The following DYNLT5 variants were observed in gnomAD, a reference collection of about 807,000 sequenced individuals.
The protein encoded by DYNLT5 is dynein light chain Tctex-type family member 5, also known as dynein light chain Tctex-type 5.
A neutral mutation model predicts 19.3 loss-of-function variants in DYNLT5; 25 were observed. The observed-to-expected ratio is 1.30, with a 90% confidence interval of 0.95 to 1.81. DYNLT5 has a LOEUF of 1.81. Among genes scored for constraint, DYNLT5 ranks in the 40% most tolerant of loss-of-function variants. DYNLT5 has a pLI of 0.00. For missense variants in DYNLT5, 232 were observed against 217.9 expected (o/e 1.06, Z -0.41); for synonymous variants, 82 against 68.9 (o/e 1.19, Z -0.94).
Position 66,754,667 on chromosome 1 carries a change from G to A in DYNLT5, c.9G>A (p.Met3Ile), listed in dbSNP as rs1178385030. The A allele has an allele frequency of 3.7e-6, 6 of 1,608,660 alleles. No individual in the cohort carries two copies. Among genetic ancestry groups the A allele is most frequent in the Non-Finnish European group, 5.1e-6 (6 of 1,178,264 alleles). Reference protein sequence around the residue: MMMSDNAKGRAAH... With the variant: MMISDNAKGRAAH... ...GTCTTCTTCCATAGGTTATGATGAT[G>A]TCAGACAATGCTAAAGGCAGAGCAG... The change falls in exon 2 of 5, where the codon ATG becomes ATA. Residue 3 changes from methionine to isoleucine, a missense_variant. Physicochemically the swap from Met to Ile is conservative, Grantham distance 10. Coordinates refer to ENST00000282670, the MANE Select transcript of DYNLT5 (RefSeq NM_152665.3).
At chr1:66,769,400 G>T (rs184637922) in intron 2 of DYNLT5, among the ~76,000 whole-genome samples, 1 of 152,004 alleles carries the variant, frequency 6.6e-6, no homozygotes, top group Non-Finnish European at 1.5e-5. Context: ...TCCAAACAGC[G>T]TAGAACTAAG....
At chr1:66,773,318 G>A (rs1572551730) in intron 3 of DYNLT5, among the ~76,000 whole-genome samples, 1 of 152,074 alleles carries the variant, frequency 6.6e-6, no homozygotes, top group East Asian at 1.9e-4. Flanking sequence ...AATATTGAGA[G>A]AGAAAGAGAG....
At chr1:66,762,860 G>A (rs2094648385) in intron 2 of DYNLT5, among the ~76,000 whole-genome samples, 1 of 152,090 alleles carries the variant, frequency 6.6e-6, no homozygotes. Flanking sequence ...AATAGCTAGA[G>A]GAATTTTAAT....
At chr1:66,766,808 T>C (rs1171178539) in intron 2 of DYNLT5, among the ~76,000 whole-genome samples, 1 of 152,192 alleles carries the variant, frequency 6.6e-6, no homozygotes, top group African/African-American at 2.4e-5. Flanking sequence ...TTTTATGATG[T>C]TATAGTCTTA....
At position 66,754,653 on chromosome 1, in the gene DYNLT5, T is replaced by C. The variant is rs759519586; in HGVS notation, c.-3-3T>C. 1.3e-6 allele frequency: 2 copies of C among 1,597,436 alleles called. No individual in the cohort carries two copies. The highest frequency in any genetic ancestry group is 1.7e-6 in the Non-Finnish European group (2 of 1,174,424). ...GCTATTTTACAAAAGTCTTCTTCCA[T>C]AGGTTATGATGATGTCAGACAATGC... On this transcript the variant is annotated splice_region_variant and splice_polypyrimidine_tract_variant and intron_variant, in intron 1 of 4. Transcript: ENST00000282670.
Position 66,770,458 on chromosome 1 carries a change from T to G in DYNLT5, c.191T>G (p.Met64Arg). The G allele has an allele frequency of 6.2e-7, 1 of 1,613,286 alleles. No individual in the cohort carries two copies. Among genetic ancestry groups the G allele is most frequent in the Middle Eastern group, 1.7e-4 (1 of 6,058 alleles). The change falls in exon 3 of 5, where the codon ATG becomes AGG. Residue 64 changes from methionine to arginine, a missense_variant. By Grantham distance (91) the Met-to-Arg change is moderately conservative. Coordinates refer to ENST00000282670, the MANE Select transcript of DYNLT5 (RefSeq NM_152665.3). ...GATATCTCTCGCCTTACAGTTCAGA[T>G]GGAAAACACCTATCAGTTGGGTGTG... is the stretch of plus-strand genomic sequence containing the variant. ...RDDISRLTVQ[M>R]ENTYQLGPPK...
At chr1:66,759,862 A>G (rs2094642777) in intron 2 of DYNLT5, among the ~76,000 whole-genome samples, 1 of 152,266 alleles carries the variant, frequency 6.6e-6, no homozygotes, top group African/African-American at 2.4e-5. Context: ...ACAAAGCCCT[A>G]CATGATCTAG....
chr1:66,770,337 T>C lies in DYNLT5; in HGVS notation c.120-50T>C, dbSNP rs201466259. Reference sequence around the variant, plus strand: ...TAGCTTAAAGCAATATTGTATTTTGTTATTATTGTTATAATAATGACTAAA... The same window carrying C: ...TAGCTTAAAGCAATATTGTATTTTGCTATTATTGTTATAATAATGACTAAA... On this transcript the variant is annotated intron_variant, in intron 2 of 4. Coordinates refer to ENST00000282670, the MANE Select transcript of DYNLT5 (RefSeq NM_152665.3). The C allele has an allele frequency of 3.4e-5, 40 of 1,191,380 alleles. 1 individual carries two copies. Among genetic ancestry groups the C allele is most frequent in the Admixed American group, 2.9e-4 (16 of 55,578 alleles). 73.8% of individuals were successfully genotyped at this position (1,191,380 alleles called of 1,614,324 possible).
intron 3 of DYNLT5, chr1:66,775,346 A>G (rs1232089889): frequency 6.6e-6 from 1 of 152,256 alleles, no homozygotes; most frequent in Non-Finnish European, 1.5e-5. Context: ...ATAAGGTAAT[A>G]TGAAGTGCTT....
rs1193993678 is a variant in DYNLT5 at position 66,777,881 on chromosome 1, G to A, written c.*427G>A. 6.4e-6 allele frequency: 1 copy of A among 155,212 alleles called. No homozygotes were observed. Among genetic ancestry groups the A allele is most frequent in the African/African-American group, 2.4e-5 (1 of 41,474 alleles). The allele number at this position is 155,212 out of a possible 1,614,324, so 9.6% of individuals were successfully genotyped here. The stretch of plus-strand genomic sequence containing the variant: ...GGTATACACAAATGATAAATAATGT[G>A]CCTCAGTGCTGCATATAAAAGAATA... On this transcript the variant is annotated 3_prime_UTR_variant, in exon 5 of 5. Transcript: ENST00000282670.
At chr1:66,777,191 T>A in intron 4 of DYNLT5, 60 bp from the exon 5 acceptor site, 1 of 1,390,012 alleles carries the variant, frequency 7.2e-7, no homozygotes, top group Non-Finnish European at 1.0e-6. Context: ...ATAACAAAGG[T>A]TAATGCTTTT....
intron 2 of DYNLT5, among the ~76,000 whole-genome samples, chr1:66,767,459 T>C (rs149124361): frequency 1.0e-3 from 157 of 152,288 alleles, no homozygotes; most frequent in African/African-American, 3.6e-3. Context: ...GGTTTTGCCA[T>C]GTTACCTAGG....
chr1:66,759,086 G>T (rs1248384461), intron 2 of DYNLT5, among the ~76,000 whole-genome samples: 1 of 152,082 alleles, frequency 6.6e-6, no homozygotes, highest in Non-Finnish European at 1.5e-5. Context: ...AACTAATATT[G>T]TATTGTCATT....
intron 4 of DYNLT5, 41 bp downstream of exon 4, chr1:66,776,444 A>C (rs760779352): frequency 6.4e-7 from 1 of 1,560,118 alleles, no homozygotes; most frequent in African/African-American, 1.4e-5. Flanking sequence ...AATAGCTAGA[A>C]TATTTGCTAA....
chr1:66,762,853 A>G, intron 2 of DYNLT5, among the ~76,000 whole-genome samples: 1 of 152,322 alleles, frequency 6.6e-6, no homozygotes, highest in South Asian at 2.1e-4. Context: ...GGAAAAAAAT[A>G]GCTAGAGGAA....
Position 66,752,521 on chromosome 1 carries a change from G to C in DYNLT5, c.-67G>C. On this transcript the variant is annotated 5_prime_UTR_variant, in exon 1 of 5. Coordinates refer to ENST00000282670, the MANE Select transcript of DYNLT5 (RefSeq NM_152665.3). The stretch of plus-strand genomic sequence containing the variant: ...ATGAAGCCTGGGACGCGGGAGCCGC[G>C]CCGCGCGCAGTGTCTGCAGTGCCGG... 4.1e-6 allele frequency: 4 copies of C among 985,596 alleles called. No homozygotes were observed. Among genetic ancestry groups the C allele is most frequent in the Non-Finnish European group, 4.8e-6 (4 of 830,052 alleles). The allele number at this position is 985,596 out of a possible 1,614,324, so 61.1% of individuals were successfully genotyped here. A position where few individuals can be genotyped will look rare whatever the true frequency, so the allele number is the denominator to read the frequency against.
At chr1:66,770,614 G>C (rs1557873616) in intron 3 of DYNLT5, 136 bp downstream of exon 3, 1 of 779,150 alleles carries the variant, frequency 1.3e-6, no homozygotes, top group Non-Finnish European at 2.3e-6. Flanking sequence ...TGAGTGATTT[G>C]ATGTTGCTTT....
intron 1 of DYNLT5, 53 bp from the exon 2 acceptor site, chr1:66,754,603 T>G (rs2094632708): frequency 6.5e-7 from 1 of 1,549,452 alleles, no homozygotes; most frequent in Non-Finnish European, 8.7e-7. Context: ...TTATACTAAC[T>G]AAAATGTTTC....
At position 66,771,513 on chromosome 1, in the gene DYNLT5, T is replaced by C. The variant is rs138206958; in HGVS notation, c.211+1035T>C. On this transcript the variant is annotated intron_variant, in intron 3 of 4. Coordinates refer to ENST00000282670, the MANE Select transcript of DYNLT5 (RefSeq NM_152665.3). ...ACTTTGAGATTAAATTCAGAAAATG[T>C]TGTTTGGCCTGTTGCAGAAGAACAT... 1.6e-4 allele frequency among the ~76,000 whole-genome samples: 24 copies of C among 152,320 alleles called. No individual in the cohort carries two copies. The East Asian group carries it at 4.6e-3, about 29-fold the overall frequency.
Sources: allele counts gnomAD v4.1 joint callset (sites outside exome capture counted in the v4.1 genomes callset), GRCh38; gene constraint gnomAD v4.1.1; transcripts MANE v1.5; gene names NCBI Gene and HGNC (gene_info 2026-07-23, HGNC 2026-07-21).